The following SDCCAG8 variants were observed in gnomAD, a reference collection of about 807,000 sequenced individuals.
SDCCAG8 encodes the protein SHH signaling and ciliogenesis regulator SDCCAG8.
In SDCCAG8, 74 loss-of-function variants were observed where a neutral mutation model predicts 101.8. That is an observed-to-expected ratio of 0.73 (90% CI 0.60 to 0.88). The LOEUF (loss-of-function observed/expected upper bound fraction) is 0.88. Ranked by LOEUF, SDCCAG8 falls within the 40% of genes least tolerant of loss-of-function variation. The probability of loss-of-function intolerance (pLI) is 0.00; values close to 1 mark genes in which losing one functional copy is unlikely to be tolerated. For missense variants in SDCCAG8, 787 were observed against 822.6 expected (o/e 0.96, Z 0.53); for synonymous variants, 281 against 292.9 (o/e 0.96, Z 0.41).
intron 16 of SDCCAG8, among the ~76,000 whole-genome samples, chr1:243,442,648 C>T (rs536775360): frequency 7.4e-4 from 112 of 152,072 alleles, no homozygotes; most frequent in African/African-American, 2.6e-3. Flanking sequence ...AAGTTCTTTC[C>T]ACTCATGTGT....
chr1:243,461,408 C>T (rs1385938829), intron 16 of SDCCAG8, among the ~76,000 whole-genome samples: 2 of 152,136 alleles, frequency 1.3e-5, no homozygotes, highest in African/African-American at 2.4e-5. Context: ...TCGAGGTCCC[C>T]ATGAATTCTG....
At chr1:243,286,490 C>G in intron 5 of SDCCAG8, 93 bp downstream of exon 5, 1 of 1,398,078 alleles carries the variant, frequency 7.2e-7, no homozygotes, top group Admixed American at 1.9e-5. Flanking sequence ...GATTTTCTCC[C>G]TGAAGTGTGG....
At chr1:243,308,431 A>G (rs2072379939) in intron 8 of SDCCAG8, among the ~76,000 whole-genome samples, 1 of 152,248 alleles carries the variant, frequency 6.6e-6, no homozygotes, top group Admixed American at 6.5e-5. Context: ...GTTTCAGTCC[A>G]TCTTCAAGTG....
chr1:243,269,981 C>T, intron 1 of SDCCAG8, 124 bp from the exon 2 acceptor site: 1 of 1,316,978 alleles, frequency 7.6e-7, no homozygotes, highest in Non-Finnish European at 1.1e-6. Context: ...AAACAGAACT[C>T]TGCGTTTTTT....
At chr1:243,318,633 C>T (rs2073477192) in intron 9 of SDCCAG8, 1 of 922,100 alleles carries the variant, frequency 1.1e-6, no homozygotes, top group Non-Finnish European at 1.3e-6. Flanking sequence ...CCTTTTGAAA[C>T]TTAGGTTCAG....
intron 1 of SDCCAG8, chr1:243,267,139 AGGC>A: frequency 6.4e-6 from 1 of 155,628 alleles, no homozygotes; most frequent in Non-Finnish European, 1.4e-5. Flanking sequence ...GTTTCTCGGG[AGGC>A]TGAGGCAGGA....
At chr1:243,366,932 A>G (rs1305683463) in intron 12 of SDCCAG8, among the ~76,000 whole-genome samples, 1 of 152,116 alleles carries the variant, frequency 6.6e-6, no homozygotes, top group African/African-American at 2.4e-5. Flanking sequence ...GCAGGCACAT[A>G]GTATGTGCTC....
At chr1:243,412,113 A>G (rs1423095117) in intron 13 of SDCCAG8, among the ~76,000 whole-genome samples, 1 of 152,198 alleles carries the variant, frequency 6.6e-6, no homozygotes, top group Non-Finnish European at 1.5e-5. Flanking sequence ...GGCAAGGAGC[A>G]TGTCTTATCT....
Position 243,286,321 on chromosome 1 carries a change from A to C in SDCCAG8, c.470A>C (p.Asn157Thr). 6.2e-7 allele frequency: 1 copy of C among 1,614,054 alleles called. No homozygotes were observed. Among genetic ancestry groups the C allele is most frequent in the Non-Finnish European group, 8.5e-7 (1 of 1,179,898 alleles). ...AAAATACAAGTAGTTGTGCTTGAAA[A>C]CGAAGGGCTCCAGCAACAGCTAAAA... ...KNKIQVVVLE[N>T]EGLQQQLKSQ... Residue 157 changes from asparagine (N) to threonine (T), a missense_variant, in exon 5 of 18, where the codon AAC becomes ACC. By Grantham distance (65) the Asn-to-Thr change is moderately conservative (BLOSUM62 0). Coordinates refer to ENST00000366541, the MANE Select transcript of SDCCAG8 (RefSeq NM_006642.5).
intron 12 of SDCCAG8, among the ~76,000 whole-genome samples, chr1:243,359,195 T>C (rs1026759055): frequency 5.3e-5 from 8 of 152,148 alleles, no homozygotes; most frequent in African/African-American, 1.7e-4. Flanking sequence ...AGTTCAATCA[T>C]TGGAAGCCTA....
intron 16 of SDCCAG8, among the ~76,000 whole-genome samples, chr1:243,437,800 A>T (rs1041372535): frequency 6.6e-6 from 1 of 152,136 alleles, no homozygotes; most frequent in Non-Finnish European, 1.5e-5. Flanking sequence ...GGCCTCCCAA[A>T]GTGCTGGGAT....
chr1:243,452,466 A>C (rs2083444486), intron 16 of SDCCAG8, among the ~76,000 whole-genome samples: 1 of 127,246 alleles, frequency 7.9e-6, no homozygotes, highest in Non-Finnish European at 1.6e-5. Flanking sequence ...TCTGTTACCC[A>C]AGCTGGAGTG....
chr1:243,489,281 T>C (rs1665789961), intron 17 of SDCCAG8, 141 bp downstream of exon 17: 3 of 1,159,590 alleles, frequency 2.6e-6, no homozygotes, highest in Non-Finnish European at 3.7e-6. Context: ...AAGACTGTGC[T>C]GGGCACAGTG....
chr1:243,328,439 C>G (rs1398239682), intron 9 of SDCCAG8, among the ~76,000 whole-genome samples: 1 of 152,070 alleles, frequency 6.6e-6, no homozygotes, highest in Non-Finnish European at 1.5e-5. Context: ...CCACCTGGCT[C>G]AGCTAATTTT....
chr1:243,467,698 C>A (rs1382472582), intron 16 of SDCCAG8, among the ~76,000 whole-genome samples: 1 of 152,190 alleles, frequency 6.6e-6, no homozygotes, highest in Non-Finnish European at 1.5e-5. Flanking sequence ...TAAGAAATTT[C>A]TGACAATTTT....
rs1486770257 is a variant in SDCCAG8, at chr1:243,256,065, G to A, written c.-109G>A. 3.0e-6 allele frequency: 3 copies of A among 1,011,418 alleles called. No homozygotes were observed. Among genetic ancestry groups the A allele is most frequent in the South Asian group, 2.5e-5 (2 of 79,008 alleles). 62.7% of individuals were successfully genotyped at this position (1,011,418 alleles called of 1,614,324 possible). ...GATTCTAGGCTCCCCTGTGACAGCC[G>A]CGGCAGGAAGCAGGCGGGCGCTCCC... On this transcript the variant is annotated 5_prime_UTR_variant, in exon 1 of 18. Coordinates refer to ENST00000366541, the MANE Select transcript of SDCCAG8 (RefSeq NM_006642.5).
rs148382740 is a variant in SDCCAG8, at chr1:243,478,956, C to CAAAAA, written c.1986-10041_1986-10037dup. Among the ~76,000 whole-genome samples the CAAAAA allele has an allele frequency of 1.0e-3, 99 of 94,688 alleles. 3 individuals carry two copies. Among genetic ancestry groups the CAAAAA allele is most frequent in the Non-Finnish European group, 1.2e-3 (60 of 49,152 alleles). The allele number at this position is 94,688 out of a possible 152,430, so 62.1% of individuals were successfully genotyped here. A position where few individuals can be genotyped will look rare whatever the true frequency, so the allele number is the denominator to read the frequency against. On this transcript the variant is annotated intron_variant, in intron 16 of 17. Coordinates refer to ENST00000366541, the MANE Select transcript of SDCCAG8 (RefSeq NM_006642.5). Reference sequence around the variant, plus strand: ...CTGGCCACAGAGTGAGACTCTGTCTCAAAAAAAAAAAAAAAAAAAAAGAAA... The same window carrying CAAAAA: ...CTGGCCACAGAGTGAGACTCTGTCTCAAAAAAAAAAAAAAAAAAAAAAAAAAGAAA...
At chr1:243,410,403 C>T (rs2080089774) in intron 13 of SDCCAG8, among the ~76,000 whole-genome samples, 1 of 152,188 alleles carries the variant, frequency 6.6e-6, no homozygotes, top group Non-Finnish European at 1.5e-5. Context: ...GTCTGTATTC[C>T]TTAATGATTT....
At chr1:243,315,702 A>G (rs1419533313) in intron 8 of SDCCAG8, among the ~76,000 whole-genome samples, 1 of 152,232 alleles carries the variant, frequency 6.6e-6, no homozygotes, top group Non-Finnish European at 1.5e-5. Context: ...ATAATCCTCT[A>G]CACTATGACT....
Sources: allele counts gnomAD v4.1 joint callset (sites outside exome capture counted in the v4.1 genomes callset), GRCh38; gene constraint gnomAD v4.1.1; transcripts MANE v1.5; gene names NCBI Gene and HGNC (gene_info 2026-07-23, HGNC 2026-07-21).